The following CYP7B1 variants were observed in gnomAD, a reference collection of about 807,000 sequenced individuals.
CYP7B1 encodes cytochrome P450 family 7 subfamily B member 1, also known as cytochrome P450 7B1.
Under a neutral mutation model 42.7 loss-of-function variants are expected in CYP7B1, and 29 were observed. The ratio of observed to expected loss-of-function variants is 0.68; its 90% CI spans 0.51 to 0.93. CYP7B1 has a LOEUF of 0.93. Among genes scored for constraint, CYP7B1 ranks in the 40% least tolerant of loss-of-function variants. The pLI is 0.00. For synonymous variants in CYP7B1, 235 were observed against 218.2 expected, an observed-to-expected ratio of 1.08 and a Z score of -0.68; for missense variants, 655 against 600.5, an observed-to-expected ratio of 1.09 and a Z score of -0.95.
At chr8:64,773,259 A>G (rs910232457) in intron 1 of CYP7B1, among the ~76,000 whole-genome samples, 1 of 152,186 alleles carries the variant, frequency 6.6e-6, no homozygotes, top group Non-Finnish European at 1.5e-5. Flanking sequence ...GATGGTTTTC[A>G]GCTATATCCT....
chr8:64,616,978 T>G (rs1191017759), intron 2 of CYP7B1, among the ~76,000 whole-genome samples: 1 of 152,192 alleles, frequency 6.6e-6, no homozygotes, highest in African/African-American at 2.4e-5. Flanking sequence ...TATTAAGATC[T>G]GGAAACTTGG....
intron 1 of CYP7B1, among the ~76,000 whole-genome samples, chr8:64,671,090 C>T (rs1171905469): frequency 2.6e-5 from 4 of 151,402 alleles, no homozygotes; most frequent in Admixed American, 1.3e-4. Context: ...TGCCTCCCCC[C>T]CATGTATATA....
At chr8:64,718,428 T>C (rs1426855552) in intron 1 of CYP7B1, among the ~76,000 whole-genome samples, 1 of 152,160 alleles carries the variant, frequency 6.6e-6, no homozygotes, top group Non-Finnish European at 1.5e-5. Flanking sequence ...CTGCCCTGAA[T>C]CTTCCTAGGC....
chr8:64,622,099 C>A (rs1297837923), intron 2 of CYP7B1, among the ~76,000 whole-genome samples: 1 of 152,068 alleles, frequency 6.6e-6, no homozygotes, highest in African/African-American at 2.4e-5. Flanking sequence ...TGGATCATTT[C>A]TCCCAAATAC....
At chr8:64,772,962 G>A (rs1804261330) in intron 1 of CYP7B1, among the ~76,000 whole-genome samples, 1 of 151,992 alleles carries the variant, frequency 6.6e-6, no homozygotes, top group African/African-American at 2.4e-5. Context: ...CCAATTATTT[G>A]CTCAAATATT....
chr8:64,702,134 A>G (rs1250878339), intron 1 of CYP7B1, among the ~76,000 whole-genome samples: 1 of 152,024 alleles, frequency 6.6e-6, no homozygotes, highest in Non-Finnish European at 1.5e-5. Context: ...ATATCTAACA[A>G]ATAAACATGA....
intron 5 of CYP7B1, among the ~76,000 whole-genome samples, chr8:64,603,733 A>G (rs922059497): frequency 1.1e-4 from 16 of 152,192 alleles, no homozygotes; most frequent in African/African-American, 3.4e-4. Flanking sequence ...CCCACACTTA[A>G]GTCATTCACC....
At chr8:64,716,567 C>T (rs192904206) in intron 1 of CYP7B1, among the ~76,000 whole-genome samples, 11 of 152,102 alleles carry the variant, frequency 7.2e-5, no homozygotes, top group Admixed American at 2.6e-4. Context: ...ATTAGCCAGG[C>T]GTGGTGGTAG....
At chr8:64,743,275 T>C (rs1359173723) in intron 1 of CYP7B1, among the ~76,000 whole-genome samples, 1 of 152,194 alleles carries the variant, frequency 6.6e-6, no homozygotes, top group African/African-American at 2.4e-5. Context: ...TAGAAATAAT[T>C]AGGCTTACTT....
rs924819875 is a variant in CYP7B1 at position 64,771,097 on chromosome 8, T to A, written c.122+27369A>T. 3.0e-5 allele frequency among the ~76,000 whole-genome samples: 4 copies of A among 135,510 alleles called. No homozygotes were observed. The Admixed American group carries it at 3.2e-4, about 11-fold the overall frequency. The allele number at this position is 135,510 out of a possible 152,430, so 88.9% of individuals were successfully genotyped here. A position where few individuals can be genotyped will look rare whatever the true frequency, so the allele number is the denominator to read the frequency against. On this transcript the variant is annotated intron_variant, in intron 1 of 5. Transcript: ENST00000310193. ...TTTTTTTTTAGACAGGGTCTTGCTC[T>A]GTCGCCAGGCTGGAGTGCAGTGGCA...
intron 1 of CYP7B1, among the ~76,000 whole-genome samples, chr8:64,773,157 A>C (rs1804263470): frequency 6.6e-6 from 1 of 152,238 alleles, no homozygotes; most frequent in Non-Finnish European, 1.5e-5. Context: ...GAGCTCCATA[A>C]GTGCAGATAT....
At chr8:64,743,787 G>T (rs1807603857) in intron 1 of CYP7B1, among the ~76,000 whole-genome samples, 1 of 152,010 alleles carries the variant, frequency 6.6e-6, no homozygotes, top group Non-Finnish European at 1.5e-5. Flanking sequence ...TATTAATTTT[G>T]GGGGGACAAA....
Position 64,604,731 on chromosome 8 carries a change from A to T in CYP7B1, c.1184T>A (p.Ile395Asn). ...GTCACCATGTAGGACTGGAGGAAAG[A>T]TGGCTACCAAGTCTCCCTTTCGCAC... ...YCVRKGDLVAIFPPVLHGDPE... is the reference protein window; with the variant it reads ...YCVRKGDLVANFPPVLHGDPE... The change falls in exon 5 of 6, where the codon ATC becomes AAC. Residue 395 changes from isoleucine to asparagine, a missense_variant. Physicochemically the swap from Ile to Asn is moderately radical, Grantham distance 149 (BLOSUM62 -3). Transcript: ENST00000310193. 1 of 1,614,176 alleles carries T rather than the reference A, an allele frequency of 6.2e-7. No individual in the cohort carries two copies. The highest frequency in any genetic ancestry group is 1.6e-4 in the Middle Eastern group (1 of 6,062).
chr8:64,672,420 A>G (rs1025034195), intron 1 of CYP7B1, among the ~76,000 whole-genome samples: 2 of 152,124 alleles, frequency 1.3e-5, no homozygotes, highest in Non-Finnish European at 2.9e-5. Context: ...CTCTGACCCT[A>G]TTATTCCCCT....
intron 1 of CYP7B1, among the ~76,000 whole-genome samples, chr8:64,790,907 C>G (rs1804606158): frequency 6.6e-6 from 1 of 152,054 alleles, no homozygotes. Flanking sequence ...GTAGGGTGGG[C>G]CCCTAAAACA....
intron 1 of CYP7B1, among the ~76,000 whole-genome samples, chr8:64,708,850 T>C (rs955120458): frequency 1.3e-5 from 2 of 152,228 alleles, no homozygotes; most frequent in Non-Finnish European, 2.9e-5. Flanking sequence ...CATTTGTGTG[T>C]GTGTTCGTAT....
At chr8:64,712,674 A>G (rs375336486) in intron 1 of CYP7B1, among the ~76,000 whole-genome samples, 4 of 151,070 alleles carry the variant, frequency 2.6e-5, no homozygotes, top group South Asian at 2.1e-4. Context: ...ATGCATACTT[A>G]TATATTTTCT....
At chr8:64,589,709 G>C (rs1189657311), downstream of CYP7B1, 3 of 152,066 alleles carry the variant, frequency 2.0e-5, no homozygotes, top group Non-Finnish European at 2.9e-5. Flanking sequence ...ATATTCTCTT[G>C]CACACAAATA....
intron 1 of CYP7B1, among the ~76,000 whole-genome samples, chr8:64,671,822 A>G (rs1360464669): frequency 6.6e-6 from 1 of 152,212 alleles, no homozygotes; most frequent in African/African-American, 2.4e-5. Context: ...GGTGGAAAAG[A>G]TGCAAGGTTC....
Sources: allele counts gnomAD v4.1 joint callset (sites outside exome capture counted in the v4.1 genomes callset), GRCh38; gene constraint gnomAD v4.1.1; transcripts MANE v1.5; gene names NCBI Gene and HGNC (gene_info 2026-07-23, HGNC 2026-07-21).